Variants in HIVEP3 observed in about 807,000 individuals in gnomAD.
The protein encoded by HIVEP3 is transcription factor HIVEP3.
Under a neutral mutation model 152.8 loss-of-function variants are expected in HIVEP3, and 49 were observed. That is an observed-to-expected ratio of 0.32 (90% CI 0.26 to 0.41). The LOEUF is 0.41. Among genes scored for constraint, HIVEP3 ranks in the 10% least tolerant of loss-of-function variants. HIVEP3 has a pLI of 1.00. For missense variants in HIVEP3, 2,790 were observed against 3,103.3 expected (o/e 0.90, Z 2.40); for synonymous variants, 1,269 against 1,289.0 (o/e 0.98, Z 0.33).
chr1:41,730,934 G>A (rs374474250), intron 1 of HIVEP3, among the ~76,000 whole-genome samples: 6 of 152,278 alleles, frequency 3.9e-5, no homozygotes, highest in South Asian at 2.1e-4. Flanking sequence ...GAGCAAGGAC[G>A]CAACTCCCAC....
intron 5 of HIVEP3, among the ~76,000 whole-genome samples, chr1:41,549,724 TG>T (rs1289394157): frequency 2.0e-5 from 3 of 152,226 alleles, no homozygotes. Flanking sequence ...TGGGGTTGTT[TG>T]TTTTTTTCTT....
At chr1:42,027,729 G>C (rs1275663304) in intron 1 of HIVEP3, among the ~76,000 whole-genome samples, 1 of 152,192 alleles carries the variant, frequency 6.6e-6, no homozygotes, top group East Asian at 1.9e-4. Context: ...GGCTGGGGAG[G>C]CCTCAAAATC....
chr1:41,544,873 C>T (rs62653698), intron 5 of HIVEP3, among the ~76,000 whole-genome samples: 3 of 121,060 alleles, frequency 2.5e-5, no homozygotes, highest in Non-Finnish European at 5.1e-5. Context: ...ACCACCACCA[C>T]CACTACCACC....
chr1:41,633,176 G>A (rs570811497), intron 2 of HIVEP3, among the ~76,000 whole-genome samples: 2 of 152,208 alleles, frequency 1.3e-5, no homozygotes, highest in East Asian at 1.9e-4. Context: ...ATGGCAAACC[G>A]AGCCCATTTA....
chr1:41,871,525 C>T (rs1054319665), intron 1 of HIVEP3, among the ~76,000 whole-genome samples: 1 of 151,996 alleles, frequency 6.6e-6, no homozygotes, highest in African/African-American at 2.4e-5. Flanking sequence ...ATTAATTATA[C>T]ACAATTATCT....
chr1:42,027,292 T>C (rs376087891), intron 1 of HIVEP3, among the ~76,000 whole-genome samples: 17 of 152,340 alleles, frequency 1.1e-4, no homozygotes, highest in African/African-American at 4.1e-4. Flanking sequence ...AATTCTCTTT[T>C]AGTCCAAGCC....
chr1:41,761,753 G>A (rs981988565), intron 1 of HIVEP3, among the ~76,000 whole-genome samples: 1 of 152,192 alleles, frequency 6.6e-6, no homozygotes, highest in Non-Finnish European at 1.5e-5. Context: ...TGAGTGCATG[G>A]GTGTATATGT....
intron 1 of HIVEP3, among the ~76,000 whole-genome samples, chr1:41,784,777 C>T (rs1009963318): frequency 6.6e-6 from 1 of 152,144 alleles, no homozygotes; most frequent in South Asian, 2.1e-4. Flanking sequence ...ACCACATCTC[C>T]GTTTACATAG....
chr1:41,836,723 A>T (rs1643134294), intron 1 of HIVEP3, among the ~76,000 whole-genome samples: 1 of 152,194 alleles, frequency 6.6e-6, no homozygotes, highest in African/African-American at 2.4e-5. Flanking sequence ...TTGTGGTAGG[A>T]TGCGACTGGC....
intron 1 of HIVEP3, among the ~76,000 whole-genome samples, chr1:41,825,752 G>T (rs193011090): frequency 2.0e-5 from 3 of 152,098 alleles, no homozygotes; most frequent in Admixed American, 6.5e-5. Context: ...GACTACAGGC[G>T]TGTGCCACCA....
intron 5 of HIVEP3, among the ~76,000 whole-genome samples, chr1:41,540,796 A>G (rs1643511177): frequency 6.6e-6 from 1 of 152,204 alleles, no homozygotes; most frequent in Non-Finnish European, 1.5e-5. Flanking sequence ...GAAAAAAGCA[A>G]GCCTGAATGG....
chr1:42,035,913 G>A (rs1645641887), exon 1 of HIVEP3: 1 of 150,532 alleles, frequency 6.6e-6, no homozygotes, highest in African/African-American at 2.4e-5. Flanking sequence ...AGGAGCCGTG[G>A]CGCGGCGGCG....
At position 41,530,248 on chromosome 1, in the gene HIVEP3, G is replaced by A. The variant is rs146408328; in HGVS notation, c.5208-5338C>T. ...CCTTTCCACGGGATCCAGGACACGC[G>A]CCACCTTGCGTCCGAGAGGACGAAC... On this transcript the variant is annotated intron_variant, in intron 5 of 8. Transcript: ENST00000372583. Among the ~76,000 whole-genome samples the A allele has an allele frequency of 2.2e-3, 341 of 152,338 alleles. 1 individual carries two copies. The highest frequency in any genetic ancestry group is 5.4e-3 in the South Asian group (26 of 4,826).
At chr1:41,515,591 G>C (rs1642578970) in intron 7 of HIVEP3, among the ~76,000 whole-genome samples, 1 of 152,226 alleles carries the variant, frequency 6.6e-6, no homozygotes, top group Admixed American at 6.5e-5. Flanking sequence ...GACCCAGTGA[G>C]AGCTGGTGGC....
chr1:42,000,474 A>T (rs1365817588), intron 1 of HIVEP3, among the ~76,000 whole-genome samples: 1 of 152,218 alleles, frequency 6.6e-6, no homozygotes, highest in Non-Finnish European at 1.5e-5. Context: ...AGCCCCACCA[A>T]GATCACATGA....
rs868366332 is a variant in HIVEP3, at chr1:41,781,934, T to C, written c.-800-80939A>G. Among the ~76,000 whole-genome samples the C allele has an allele frequency of 7.9e-5, 12 of 152,248 alleles. No homozygotes were observed. The South Asian group carries it at 1.5e-3, about 18-fold the overall frequency. The stretch of plus-strand genomic sequence containing the variant: ...GGTGATCTCTATGCATTATAAGGAG[T>C]CAGCCTTCCACCCATACCAGAAACC... On this transcript the variant is annotated intron_variant, in intron 1 of 8. Transcript: ENST00000372583.
intron 3 of HIVEP3, among the ~76,000 whole-genome samples, chr1:41,610,072 C>T (rs1644876956): frequency 6.6e-6 from 1 of 152,220 alleles, no homozygotes; most frequent in Admixed American, 6.5e-5. Context: ...GCTCCTCCTT[C>T]CTGGATCTCC....
intron 2 of HIVEP3, among the ~76,000 whole-genome samples, chr1:41,663,316 G>A (rs556485807): frequency 5.9e-5 from 9 of 152,240 alleles, no homozygotes; most frequent in Non-Finnish European, 8.8e-5. Context: ...GCTGGGGGTC[G>A]GGGGTGTAGA....
intron 1 of HIVEP3, among the ~76,000 whole-genome samples, chr1:41,975,393 A>G (rs76550551): frequency 0.034 from 5,185 of 152,276 alleles, 323 homozygotes; most frequent in African/African-American, 0.12. Context: ...CCCCACAGTA[A>G]GAATGCAGCA....
Sources: gnomAD v4.1 joint callset for allele counts (sites outside exome capture counted in the v4.1 genomes callset) on GRCh38, gnomAD v4.1.1 for gene constraint, MANE v1.5 for transcripts, NCBI Gene and HGNC (gene_info 2026-07-23, HGNC 2026-07-21) for gene names.